EMG1: variants seen among roughly 807,000 people sequenced by gnomAD.
EMG1 encodes ribosomal RNA small subunit methyltransferase NEP1.
Under a neutral mutation model 26.9 loss-of-function variants are expected in EMG1, and 24 were observed. That is an observed-to-expected ratio of 0.89 (90% CI 0.65 to 1.26). The LOEUF (loss-of-function observed/expected upper bound fraction) is 1.26. EMG1 is among the 50% of genes most tolerant of loss of function. EMG1 has a pLI of 0.00. For missense variants in EMG1, 299 were observed against 307.6 expected (o/e 0.97, Z 0.21); for synonymous variants, 140 against 112.6 (o/e 1.24, Z -1.54).
intron 7 of EMG1, among the ~76,000 whole-genome samples, chr12:6,994,829 C>T (rs782547238): frequency 3.9e-5 from 6 of 152,280 alleles, no homozygotes; most frequent in African/African-American, 7.2e-5. Flanking sequence ...CCCATCTTTC[C>T]GTTTCTTTCA....
chr12:6,974,653 C>G lies in EMG1; in HGVS notation c.372C>G (p.Thr124=), dbSNP rs367740124. The G allele has an allele frequency of 2.0e-5, 32 of 1,613,846 alleles. 1 individual carries two copies. The highest frequency in any genetic ancestry group is 1.0e-4 in the Admixed American group (6 of 59,992). Residue 124 remains threonine (T), a synonymous_variant, in exon 3 of 6, where the codon ACC becomes ACG. Coordinates refer to ENST00000599672, the MANE Select transcript of EMG1 (RefSeq NM_006331.8). The part of the protein sequence containing the change: ...KNVLIEVNPQ[T]RIPRTFDRFC... ...TTCTGATTGAAGTGAATCCCCAGAC[C>G]CGAATTCCCAGAACCTTTGACCGCT...
chr12:6,988,746 C>T (rs1420478403), downstream of EMG1, among the ~76,000 whole-genome samples: 7 of 152,164 alleles, frequency 4.6e-5, no homozygotes, highest in Admixed American at 4.6e-4. Context: ...GTGCTCAGTC[C>T]TGAGGATAAA....
Position 6,977,019 on chromosome 12 carries a change from G to A in EMG1, c.*1210G>A. On this transcript the variant is annotated 3_prime_UTR_variant, in exon 6 of 6. Transcript: ENST00000599672. The surrounding 1 kb of genome is among the most constrained non-coding windows in gnomAD (Gnocchi z 4.5). ...GTCATTGCCCATACTGTGTTCCTTA[G>A]TAGCCAGGCTAATCCTTGGAATTCA... 2.8e-6 allele frequency: 2 copies of A among 715,484 alleles called. No homozygotes were observed. Among genetic ancestry groups the A allele is most frequent in the South Asian group, 1.7e-5 (1 of 60,566 alleles). The allele number at this position is 715,484 out of a possible 1,614,324, so 44.3% of individuals were successfully genotyped here.
chr12:6,991,774 A>T (rs1026970754), downstream of EMG1, among the ~76,000 whole-genome samples: 1 of 152,216 alleles, frequency 6.6e-6, no homozygotes, highest in Non-Finnish European at 1.5e-5. Context: ...GTGAAAAAAG[A>T]AGCTGCTAAA....
downstream of EMG1, among the ~76,000 whole-genome samples, chr12:6,983,812 T>C (rs782136036): frequency 6.6e-6 from 1 of 152,218 alleles, no homozygotes; most frequent in Non-Finnish European, 1.5e-5. Context: ...GCTTATGAAC[T>C]ATTGCCAGAC....
In EMG1 at chr12:6,977,160, T is replaced by C; in HGVS notation, c.*1351T>C. The C allele has an allele frequency of 6.2e-7, 1 of 1,607,446 alleles. No homozygotes were observed. The highest frequency in any genetic ancestry group is 8.5e-7 in the Non-Finnish European group (1 of 1,173,884). Reference sequence around the variant, plus strand: ...AGGGAAATGGATTATTCCATCTTCTTTAACTTCTCTTTCCTTGGCACCATT... The same window carrying C: ...AGGGAAATGGATTATTCCATCTTCTCTAACTTCTCTTTCCTTGGCACCATT... On this transcript the variant is annotated 3_prime_UTR_variant, in exon 6 of 6. Coordinates refer to ENST00000599672, the MANE Select transcript of EMG1 (RefSeq NM_006331.8). This position sits in a 1 kb window ranked among gnomAD's most constrained non-coding sequence, Gnocchi z 4.5.
downstream of EMG1, among the ~76,000 whole-genome samples, chr12:6,984,498 A>G (rs1187218586): frequency 3.3e-5 from 5 of 152,186 alleles, no homozygotes; most frequent in Non-Finnish European, 5.9e-5. Flanking sequence ...GGATCTCTCA[A>G]CTGCTTTTTG....
downstream of EMG1, among the ~76,000 whole-genome samples, chr12:6,990,551 AAATAAATAAATAAATT>A (rs1247163640): frequency 2.1e-5 from 3 of 144,700 alleles, no homozygotes; most frequent in South Asian, 2.1e-4. Flanking sequence ...ATAAATAAAT[AAATAAATAAATAAATT>A]GAGCACCCCA....
Position 6,975,211 on chromosome 12 carries a change from C to T in EMG1, c.472-18C>T. On this transcript the variant is annotated intron_variant, in intron 4 of 5. Coordinates refer to ENST00000599672, the MANE Select transcript of EMG1 (RefSeq NM_006331.8). ...GGGAATGTTTCTGGGGCTGACTTTT[C>T]TCTCTTTTTTACTTTAGGTAATTAA... The T allele has an allele frequency of 1.2e-6, 2 of 1,613,842 alleles. No homozygotes were observed. Among genetic ancestry groups the T allele is most frequent in the Non-Finnish European group, 1.7e-6 (2 of 1,179,754 alleles).
chr12:6,974,802 A>AACAT, intron 3 of EMG1, 109 bp downstream of exon 3: 1 of 1,161,452 alleles, frequency 8.6e-7, no homozygotes, highest in Non-Finnish European at 1.3e-6. Context: ...ATGGGAGAAC[A>AACAT]ACATGATTAA....
At chr12:6,995,569 T>C (rs1946629476) in intron 7 of EMG1, among the ~76,000 whole-genome samples, 1 of 152,064 alleles carries the variant, frequency 6.6e-6, no homozygotes, top group Admixed American at 6.6e-5. Context: ...TCTCTCACCA[T>C]CACTGTCACC....
At chr12:6,986,453 G>C (rs1946526735) in intron 6 of EMG1, among the ~76,000 whole-genome samples, 1 of 152,034 alleles carries the variant, frequency 6.6e-6, no homozygotes, top group East Asian at 1.9e-4. Context: ...TATGCTATTG[G>C]TAAGTCTTCT....
chr12:6,981,390 T>G (rs1016602333), downstream of EMG1: 3 of 682,424 alleles, frequency 4.4e-6, no homozygotes, highest in Non-Finnish European at 7.5e-6. Context: ...TTGCTGGCAT[T>G]GATCTCTGGA....
chr12:6,974,560 G>C lies in EMG1; in HGVS notation c.279G>C (p.Leu93=). The change falls in exon 3 of 6, where the codon CTG becomes CTC. Residue 93 remains leucine, a synonymous_variant. Coordinates refer to ENST00000599672, the MANE Select transcript of EMG1 (RefSeq NM_006331.8). ...GTTTCTGCTTTGCTCAGAGTTTGCT[G>C]ATGCTGATGGATAGTCCCCTGAACC... ...ARPDITHQSL[L]MLMDSPLNRA... 1 of 1,613,612 alleles carries C rather than the reference G, an allele frequency of 6.2e-7. No homozygotes were observed. Among genetic ancestry groups the C allele is most frequent in the South Asian group, 1.1e-5 (1 of 91,070 alleles).
rs1214273780 is a variant in EMG1 at position 6,976,281 on chromosome 12, T to TG, written c.*480dup. ...CCTTGCACCCCTCTCCACCCCCCCA[T>TG]GGGGGGGGTGGTGGTAGCGGCACAT... On this transcript the variant is annotated 3_prime_UTR_variant, in exon 6 of 6. Coordinates refer to ENST00000599672, the MANE Select transcript of EMG1 (RefSeq NM_006331.8). 2.3e-4 allele frequency: 35 copies of TG among 152,564 alleles called. No homozygotes were observed. The highest frequency in any genetic ancestry group is 6.2e-4 in the South Asian group (3 of 4,838). The allele number at this position is 152,564 out of a possible 1,614,324, so 9.5% of individuals were successfully genotyped here.
intron 6 of EMG1, among the ~76,000 whole-genome samples, chr12:6,985,283 C>A (rs782467685): frequency 6.6e-6 from 1 of 151,828 alleles, no homozygotes; most frequent in South Asian, 2.1e-4. Flanking sequence ...ATAGTCCCAG[C>A]TACTAGGGAG....
At chr12:6,983,693 G>A (rs1236159968), downstream of EMG1, among the ~76,000 whole-genome samples, 1 of 152,118 alleles carries the variant, frequency 6.6e-6, no homozygotes, top group African/African-American at 2.4e-5. Flanking sequence ...GGCAATAACG[G>A]TATCCCCAAG....
At chr12:6,973,288 C>G (rs1316077908) in intron 1 of EMG1, among the ~76,000 whole-genome samples, 1 of 152,148 alleles carries the variant, frequency 6.6e-6, no homozygotes, top group African/African-American at 2.4e-5. Flanking sequence ...CCACCTTAGC[C>G]TCCCAAGTAG....
intron 1 of EMG1, among the ~76,000 whole-genome samples, chr12:6,973,971 T>C (rs1946362741): frequency 6.6e-6 from 1 of 152,260 alleles, no homozygotes; most frequent in South Asian, 2.1e-4. Context: ...GCATTCAGCC[T>C]TGCTAACTAC....
Sources: gnomAD v4.1 joint callset for allele counts (sites outside exome capture counted in the v4.1 genomes callset) on GRCh38, gnomAD v4.1.1 for gene constraint, Gnocchi (gnomAD v3.1) non-coding constraint, MANE v1.5 for transcripts, NCBI Gene and HGNC (gene_info 2026-07-23, HGNC 2026-07-21) for gene names.